Variants in RRP12 observed in about 807,000 individuals in gnomAD.
The protein encoded by RRP12 is ribosomal RNA processing 12 homolog.
A neutral mutation model predicts 157.3 loss-of-function variants in RRP12; 78 were observed. The ratio of observed to expected loss-of-function variants is 0.50; its 90% confidence interval spans 0.41 to 0.60. The LOEUF is 0.60. Among genes scored for constraint, RRP12 ranks in the 20% least tolerant of loss-of-function variants. The probability of loss-of-function intolerance (pLI) is 0.00; values close to 1 mark genes in which losing one functional copy is unlikely to be tolerated. For synonymous variants in RRP12, 726 were observed against 670.9 expected, an observed-to-expected ratio of 1.08 and a Z score of -1.27; for missense variants, 1,521 against 1,679.9, an observed-to-expected ratio of 0.91 and a Z score of 1.65.
In RRP12 at chr10:97,385,369, C is replaced by G; in HGVS notation, c.1117-112G>C. On this transcript the variant is annotated intron_variant, in intron 9 of 33. Coordinates refer to ENST00000370992, the MANE Select transcript of RRP12 (RefSeq NM_015179.4). ...ATGTCCTGGGGACAGTGCTTGTGAC[C>G]CTAGCACTCACAGCCCCCTTGGCTT... is the stretch of plus-strand genomic sequence containing the variant. 3 of 825,932 alleles carry G rather than the reference C, an allele frequency of 3.6e-6. No individual in the cohort carries two copies. The South Asian group carries it at 4.8e-5, about 13-fold the overall frequency. 51.2% of individuals were successfully genotyped at this position (825,932 alleles called of 1,614,324 possible). A position where few individuals can be genotyped will look rare whatever the true frequency, so the allele number is the denominator to read the frequency against.
At chr10:97,359,933 C>G (rs921657443) in intron 31 of RRP12, among the ~76,000 whole-genome samples, 34 of 152,240 alleles carry the variant, frequency 2.2e-4, no homozygotes, top group African/African-American at 8.0e-4. Flanking sequence ...GAATCAGAGG[C>G]TTCCCACAGG....
chr10:97,366,299 C>A (rs1843977849), intron 28 of RRP12, 66 bp from the exon 29 acceptor site: 1 of 1,587,832 alleles, frequency 6.3e-7, no homozygotes, highest in Admixed American at 1.7e-5. Flanking sequence ...CTCATCATGA[C>A]CAACAAGCCC....
intron 10 of RRP12, among the ~76,000 whole-genome samples, chr10:97,384,459 G>A (rs913852821): frequency 1.3e-4 from 19 of 149,866 alleles, no homozygotes; most frequent in African/African-American, 4.4e-4. Flanking sequence ...TCGGCAGCCT[G>A]GACGGAGGCC....
intron 4 of RRP12, chr10:97,393,238 AT>A: frequency 2.2e-6 from 1 of 453,374 alleles, no homozygotes; most frequent in Non-Finnish European, 4.4e-6. Context: ...TTTCACAATG[AT>A]TTTCTGCTCC....
intron 15 of RRP12, among the ~76,000 whole-genome samples, chr10:97,378,286 G>A (rs10882910): frequency 0.38 from 58,055 of 151,976 alleles, 11,551 homozygotes; most frequent in African/African-American, 0.5. Flanking sequence ...TATTGTGTGA[G>A]CAGCATAGAG....
intron 23 of RRP12, 70 bp downstream of exon 23, chr10:97,370,384 CT>C (rs1844109718): frequency 5.7e-6 from 8 of 1,393,450 alleles, no homozygotes; most frequent in African/African-American, 2.9e-5. Flanking sequence ...CTCTCCCCAC[CT>C]TTTTTGAGGG....
At chr10:97,398,020 T>TATATATAC (rs1845024472) in intron 2 of RRP12, among the ~76,000 whole-genome samples, 1 of 72,974 alleles carries the variant, frequency 1.4e-5, no homozygotes, top group African/African-American at 4.6e-5. Context: ...TATATATATA[T>TATATATAC]ATGTATATAT....
chr10:97,359,123 G>A (rs1360114090), intron 31 of RRP12, 113 bp from the exon 32 acceptor site: 1 of 724,930 alleles, frequency 1.4e-6, no homozygotes, highest in African/African-American at 1.8e-5. Flanking sequence ...GTGAAGGCCA[G>A]GAACTTGGCT....
At chr10:97,399,657 C>A (rs1290054827) in intron 2 of RRP12, among the ~76,000 whole-genome samples, 3 of 151,430 alleles carry the variant, frequency 2.0e-5, no homozygotes, top group Non-Finnish European at 2.9e-5. Flanking sequence ...GAGTTTGAGA[C>A]CAGCCTGGCT....
intron 8 of RRP12, among the ~76,000 whole-genome samples, chr10:97,387,662 C>T (rs1015611934): frequency 1.3e-5 from 2 of 151,260 alleles, no homozygotes; most frequent in South Asian, 2.1e-4. Context: ...AAAACTCGAC[C>T]GGGCGCAGTG....
rs553941410 is a variant in RRP12, at chr10:97,401,247, G to GCGAGGAATGAGC, written c.-28_-17dup. 1.3e-4 allele frequency: 205 copies of GCGAGGAATGAGC among 1,614,072 alleles called. No individual in the cohort carries two copies. In the African/African-American group the frequency reaches 2.6e-3, roughly 20 times the overall value. On this transcript the variant is annotated 5_prime_UTR_variant, in exon 1 of 34. Coordinates refer to ENST00000370992, the MANE Select transcript of RRP12 (RefSeq NM_015179.4). ...AGCGACCCATGTTGACTAAGCCGTG[G>GCGAGGAATGAGC]CGAGGAATGAGCTTAAATGACCGGC...
intron 2 of RRP12, 57 bp downstream of exon 2, chr10:97,400,248 A>C (rs1845101548): frequency 1.5e-6 from 2 of 1,304,656 alleles, no homozygotes; most frequent in Non-Finnish European, 2.2e-6. Flanking sequence ...AGCTGAAGAA[A>C]AGGCATGAGT....
intron 9 of RRP12, 85 bp downstream of exon 9, chr10:97,385,810 A>G: frequency 1.0e-6 from 1 of 971,432 alleles, no homozygotes; most frequent in Non-Finnish European, 1.6e-6. Flanking sequence ...CTCTGTAGAC[A>G]AGGCGCAGGG....
At chr10:97,368,998 C>T (rs2133043799) in intron 25 of RRP12, among the ~76,000 whole-genome samples, 1 of 152,174 alleles carries the variant, frequency 6.6e-6, no homozygotes, top group Admixed American at 6.5e-5. Flanking sequence ...TTCTGCAGCC[C>T]AGCAGGGGAC....
intron 15 of RRP12, among the ~76,000 whole-genome samples, chr10:97,374,822 T>A (rs929711188): frequency 2.6e-5 from 4 of 151,502 alleles, no homozygotes; most frequent in Admixed American, 1.3e-4. Context: ...TATATAGCAT[T>A]CTGTAACCTT....
At chr10:97,378,689 G>A (rs559822495) in intron 15 of RRP12, among the ~76,000 whole-genome samples, 3 of 151,948 alleles carry the variant, frequency 2.0e-5, no homozygotes, top group South Asian at 2.1e-4. Context: ...AAACCCTGTC[G>A]CTACTAAAAA....
At chr10:97,358,397 T>C (rs1374513755) in intron 33 of RRP12, 140 bp downstream of exon 33, 6 of 686,604 alleles carry the variant, frequency 8.7e-6, no homozygotes, top group East Asian at 4.9e-5. Context: ...CTACATGATA[T>C]AGGTGCATGT....
At chr10:97,372,632 G>A (rs1371153935) in intron 19 of RRP12, 104 bp downstream of exon 19, 2 of 928,948 alleles carry the variant, frequency 2.2e-6, no homozygotes, top group Non-Finnish European at 3.4e-6. Flanking sequence ...ATACTTCAAG[G>A]CTTCCTTAAA....
At chr10:97,381,226 G>A (rs1844458014) in intron 12 of RRP12, among the ~76,000 whole-genome samples, 160 bp downstream of exon 12, 1 of 152,234 alleles carries the variant, frequency 6.6e-6, no homozygotes, top group Non-Finnish European at 1.5e-5. Flanking sequence ...CAAGTCCACG[G>A]TAGCTGCTCC....
Sources: gnomAD v4.1 joint callset for allele counts (sites outside exome capture counted in the v4.1 genomes callset) on GRCh38, gnomAD v4.1.1 for gene constraint, MANE v1.5 for transcripts, NCBI Gene and HGNC (gene_info 2026-07-23, HGNC 2026-07-21) for gene names.